Variants in WARS2 observed in about 807,000 individuals in gnomAD.
The protein encoded by WARS2 is tryptophan--tRNA ligase, mitochondrial.
Under a neutral mutation model 36.5 loss-of-function variants are expected in WARS2, and 28 were observed. That is an observed-to-expected ratio of 0.77 (90% CI 0.57 to 1.05). The LOEUF (loss-of-function observed/expected upper bound fraction) is 1.05. Among genes scored for constraint, WARS2 ranks in the 50% least tolerant of loss-of-function variants. WARS2 has a pLI of 0.00. For missense variants in WARS2, 435 were observed against 456.8 expected, an observed-to-expected ratio of 0.95 and a Z score of 0.44; for synonymous variants, 174 against 178.4, an observed-to-expected ratio of 0.98 and a Z score of 0.20.
intron 4 of WARS2, among the ~76,000 whole-genome samples, chr1:119,035,674 T>C (rs910458136): frequency 1.6e-4 from 25 of 152,310 alleles, no homozygotes; most frequent in Non-Finnish European, 2.9e-4. Context: ...CAAATAGTAA[T>C]GCATAATCCC....
At chr1:119,045,018 G>T (rs534696472) in intron 3 of WARS2, among the ~76,000 whole-genome samples, 2 of 152,296 alleles carry the variant, frequency 1.3e-5, no homozygotes, top group East Asian at 3.9e-4. Flanking sequence ...GTAGTTGGGG[G>T]CTACCTACCC....
intron 1 of WARS2, among the ~76,000 whole-genome samples, chr1:119,116,698 A>G (rs1348139083): frequency 6.6e-6 from 1 of 152,220 alleles, no homozygotes; most frequent in Non-Finnish European, 1.5e-5. Context: ...TAAAAGTACA[A>G]GTAGCAGAAA....
At chr1:119,049,637 C>T (rs1649169150) in intron 2 of WARS2, among the ~76,000 whole-genome samples, 1 of 152,212 alleles carries the variant, frequency 6.6e-6, no homozygotes, top group Non-Finnish European at 1.5e-5. Context: ...AACTCCTGAT[C>T]CTCCGTTCCA....
At chr1:119,088,539 C>G (rs1652831137) in intron 1 of WARS2, among the ~76,000 whole-genome samples, 1 of 152,046 alleles carries the variant, frequency 6.6e-6, no homozygotes, top group African/African-American at 2.4e-5. Flanking sequence ...AATGAAATCT[C>G]TAATGCAATG....
In WARS2 at chr1:119,042,262, A is replaced by C. The variant is rs1470314405; in HGVS notation, c.515+2T>G. On this transcript the variant is annotated splice_donor_variant, in intron 4 of 5. Transcript: ENST00000235521. LOFTEE classifies it high-confidence loss of function. ...TAAGACTGGGCTGAACTCTCTTCTT[A>C]CTTGTACAACAGAATGTCGGCTGCC... is the stretch of plus-strand genomic sequence containing the variant. 1.5e-5 allele frequency: 24 copies of C among 1,613,588 alleles called. No individual in the cohort carries two copies.
At chr1:119,100,864 C>G (rs1271470956) in intron 1 of WARS2, among the ~76,000 whole-genome samples, 1 of 152,182 alleles carries the variant, frequency 6.6e-6, no homozygotes, top group Non-Finnish European at 1.5e-5. Context: ...TCTCGAACTC[C>G]TGGGCTCAAG....
rs1366278325 is a variant in WARS2, at chr1:119,104,564, A to G, written c.91-27957T>C. 2.0e-5 allele frequency among the ~76,000 whole-genome samples: 3 copies of G among 151,418 alleles called. No homozygotes were observed. The East Asian group carries it at 5.8e-4, about 29-fold the overall frequency. On this transcript the variant is annotated intron_variant, in intron 1 of 5. Coordinates refer to ENST00000235521, the MANE Select transcript of WARS2 (RefSeq NM_015836.4). ...TGGAGCTTAAATTCCATAAAGAGACATGTAAAAAATAAGAAAGCAAATAAC... is the reference window on the plus strand; with the variant it reads ...TGGAGCTTAAATTCCATAAAGAGACGTGTAAAAAATAAGAAAGCAAATAAC...
chr1:119,084,425 TAAC>T (rs766141503), intron 1 of WARS2, among the ~76,000 whole-genome samples: 10 of 152,220 alleles, frequency 6.6e-5, no homozygotes, highest in Non-Finnish European at 1.3e-4. Flanking sequence ...TTAAAATGGT[TAAC>T]TTTATGTTAT....
intron 1 of WARS2, among the ~76,000 whole-genome samples, chr1:119,117,629 A>C (rs1655059334): frequency 6.6e-6 from 1 of 152,194 alleles, no homozygotes; most frequent in Non-Finnish European, 1.5e-5. Context: ...CATAACCAGT[A>C]CTGAAGAAAA....
At chr1:119,133,133 T>A (rs1319790203) in intron 1 of WARS2, among the ~76,000 whole-genome samples, 2 of 152,192 alleles carry the variant, frequency 1.3e-5, no homozygotes, top group Non-Finnish European at 2.9e-5. Context: ...ACTTCCTACA[T>A]GCACCTTGGG....
chr1:119,102,935 G>A lies in WARS2; in HGVS notation c.91-26328C>T, dbSNP rs587771560. On this transcript the variant is annotated intron_variant, in intron 1 of 5. Coordinates refer to ENST00000235521, the MANE Select transcript of WARS2 (RefSeq NM_015836.4). ...CACTTTCATGAAGCTACACTGCGTT[G>A]TTTGTATTTTACACTCTGATTTCTC... 2.6e-5 allele frequency among the ~76,000 whole-genome samples: 4 copies of A among 152,276 alleles called. No homozygotes were observed. In the East Asian group the frequency reaches 7.7e-4, roughly 29 times the overall value.
At chr1:119,131,451 G>GTTTTTTT (rs1433121541) in intron 1 of WARS2, among the ~76,000 whole-genome samples, 4 of 126,888 alleles carry the variant, frequency 3.2e-5, no homozygotes, top group East Asian at 4.0e-4. Context: ...ACTGTGCAAA[G>GTTTTTTT]TTTTTTGTTT....
At chr1:119,042,983 G>A (rs532529806) in intron 3 of WARS2, among the ~76,000 whole-genome samples, 2 of 152,186 alleles carry the variant, frequency 1.3e-5, no homozygotes, top group Non-Finnish European at 2.9e-5. Context: ...AGGTTGTATA[G>A]ACCAAAACAG....
In WARS2 at chr1:119,065,508, G is replaced by A. The variant is rs548576534; in HGVS notation, c.348+10842C>T. ...AAAATTAGCTGGCATGGTGGTGGGCGCCAGTAATCCCAGCTATCTGGGAGG... is the reference window on the plus strand; with the variant it reads ...AAAATTAGCTGGCATGGTGGTGGGCACCAGTAATCCCAGCTATCTGGGAGG... On this transcript the variant is annotated intron_variant, in intron 2 of 5. Transcript: ENST00000235521. Among the ~76,000 whole-genome samples, 12 of 151,590 alleles carry A rather than the reference G, an allele frequency of 7.9e-5. No individual in the cohort carries two copies. In the East Asian group the frequency reaches 1.2e-3, roughly 15 times the overall value.
chr1:119,138,998 TTC>T (rs1553183754), intron 1 of WARS2, among the ~76,000 whole-genome samples: 2 of 152,186 alleles, frequency 1.3e-5, no homozygotes, highest in South Asian at 2.1e-4. Flanking sequence ...TGTCTTTTTT[TTC>T]TCTCTCTCTT....
At chr1:119,087,426 G>A (rs1197745314) in intron 1 of WARS2, among the ~76,000 whole-genome samples, 1 of 152,192 alleles carries the variant, frequency 6.6e-6, no homozygotes, top group Non-Finnish European at 1.5e-5. Context: ...CGTTCTAAGA[G>A]TTTGTTTAAA....
intron 2 of WARS2, among the ~76,000 whole-genome samples, chr1:119,057,189 C>T (rs1355536414): frequency 6.6e-6 from 1 of 151,900 alleles, no homozygotes; most frequent in Non-Finnish European, 1.5e-5. Context: ...CACTGTCGCC[C>T]AGGCTGGAGT....
chr1:119,113,031 G>A (rs756716447), intron 1 of WARS2, among the ~76,000 whole-genome samples: 4 of 152,190 alleles, frequency 2.6e-5, no homozygotes, highest in African/African-American at 4.8e-5. Context: ...TGATGAGGTT[G>A]AAACATAGTT....
intron 2 of WARS2, among the ~76,000 whole-genome samples, chr1:119,053,005 C>T (rs1402029490): frequency 6.6e-6 from 1 of 152,152 alleles, no homozygotes; most frequent in Admixed American, 6.5e-5. Context: ...TAAAGTAAAC[C>T]ACATGGACAA....
Sources: gnomAD v4.1 joint callset for allele counts (sites outside exome capture counted in the v4.1 genomes callset) on GRCh38, gnomAD v4.1.1 for gene constraint, MANE v1.5 for transcripts, NCBI Gene and HGNC (gene_info 2026-07-23, HGNC 2026-07-21) for gene names.